SBF2: variants seen among roughly 807,000 people sequenced by gnomAD.
SBF2 encodes myotubularin-related protein 13.
A neutral mutation model predicts 225.2 loss-of-function variants in SBF2; 112 were observed. The observed-to-expected ratio is 0.50, with a 90% CI of 0.43 to 0.58. The LOEUF is 0.58. SBF2 is among the 20% of genes least tolerant of loss of function. SBF2 has a pLI of 0.00. For missense variants in SBF2, 1,996 were observed against 2,206.2 expected (o/e 0.90, Z 1.91); for synonymous variants, 763 against 773.3 (o/e 0.99, Z 0.22).
At chr11:10,212,906 G>A (rs1957987893) in intron 1 of SBF2, among the ~76,000 whole-genome samples, 1 of 152,072 alleles carries the variant, frequency 6.6e-6, no homozygotes, top group Non-Finnish European at 1.5e-5. Flanking sequence ...AAAATTAGCT[G>A]GGCATGGTGG....
At position 9,812,722 on chromosome 11, in the gene SBF2, T is replaced by C; in HGVS notation, c.3979-14A>G. 2 of 1,613,600 alleles carry C rather than the reference T, an allele frequency of 1.2e-6. No individual in the cohort carries two copies. The highest frequency in any genetic ancestry group is 1.7e-6 in the Non-Finnish European group (2 of 1,179,708). On this transcript the variant is annotated splice_polypyrimidine_tract_variant and intron_variant, in intron 29 of 39. Transcript: ENST00000256190. The stretch of plus-strand genomic sequence containing the variant: ...TACCTTGAAGTTCTGCGGATGAAGA[T>C]TCAGAGAATTAGGCAGATGAAGTGC...
intron 31 of SBF2, 130 bp downstream of exon 31, chr11:9,808,771 C>A: frequency 2.9e-6 from 2 of 692,838 alleles, no homozygotes; most frequent in South Asian, 1.7e-5. Context: ...ATACCAGGTG[C>A]TGTTTAACAC....
At chr11:9,823,510 A>G (rs1419045561) in intron 28 of SBF2, among the ~76,000 whole-genome samples, 2 of 152,064 alleles carry the variant, frequency 1.3e-5, no homozygotes, top group Non-Finnish European at 2.9e-5. Context: ...GGGTAAAAAA[A>G]AAAAAAAAGA....
At chr11:9,940,332 G>C (rs556861201) in intron 16 of SBF2, among the ~76,000 whole-genome samples, 9 of 152,248 alleles carry the variant, frequency 5.9e-5, no homozygotes, top group Non-Finnish European at 2.9e-5. Flanking sequence ...GTGAACCTGG[G>C]AGGCGGAGCT....
chr11:10,252,835 CAAAA>C (rs147297840), intron 1 of SBF2, among the ~76,000 whole-genome samples: 13 of 141,086 alleles, frequency 9.2e-5, no homozygotes, highest in Non-Finnish European at 2.0e-4. Flanking sequence ...AAAAAAAAAT[CAAAA>C]AAAAGAAAAT....
At chr11:9,953,161 T>C (rs1865958197) in intron 16 of SBF2, among the ~76,000 whole-genome samples, 1 of 152,196 alleles carries the variant, frequency 6.6e-6, no homozygotes, top group African/African-American at 2.4e-5. Context: ...CTGTGGCATA[T>C]TGGGTTGGGC....
chr11:10,196,789 T>G, intron 1 of SBF2, among the ~76,000 whole-genome samples: 1 of 148,140 alleles, frequency 6.8e-6, no homozygotes, highest in African/African-American at 2.5e-5. Context: ...TGGAGACAAT[T>G]ATTATTAACA....
At position 9,915,979 on chromosome 11, in the gene SBF2, G is replaced by A. The variant is rs551274571; in HGVS notation, c.1861-19968C>T. Among the ~76,000 whole-genome samples the A allele has an allele frequency of 2.0e-4, 30 of 152,224 alleles. No homozygotes were observed. In the South Asian group the frequency reaches 5.0e-3, roughly 25 times the overall value. ...CTCTGGAAGCTGAGACAGGAGAATC[G>A]CTTGAACCTGGGAGGCGGAGGTTGC... On this transcript the variant is annotated intron_variant, in intron 16 of 39. Transcript: ENST00000256190.
chr11:9,942,847 CAAAG>C (rs1313031249), intron 16 of SBF2, among the ~76,000 whole-genome samples: 6 of 86,226 alleles, frequency 7.0e-5, no homozygotes, highest in Admixed American at 1.2e-4. Context: ...TCAAAAAAAA[CAAAG>C]AAAGAAAGGA....
intron 2 of SBF2, among the ~76,000 whole-genome samples, chr11:10,106,248 C>T (rs940799676): frequency 6.6e-6 from 1 of 152,096 alleles, no homozygotes; most frequent in African/African-American, 2.4e-5. Flanking sequence ...TCTCATTATA[C>T]CTTTTTGAAA....
At chr11:10,094,528 A>ATTTTTTTTTTTTTTTT (rs60485793) in intron 2 of SBF2, among the ~76,000 whole-genome samples, 1,366 of 107,094 alleles carry the variant, frequency 0.013, 125 homozygotes, top group East Asian at 0.036. Context: ...ATACACACAG[A>ATTTTTTTTTTTTTTTT]TTTTTTTTTT....
chr11:10,064,092 A>C (rs7110664), intron 2 of SBF2, among the ~76,000 whole-genome samples: 70,196 of 151,896 alleles, frequency 0.46, 16,621 homozygotes, highest in Admixed American at 0.56. Flanking sequence ...TTATTTAAAT[A>C]TCTTTTAAAG....
intron 6 of SBF2, among the ~76,000 whole-genome samples, chr11:10,006,431 G>A (rs1199873802): frequency 2.0e-5 from 3 of 152,076 alleles, no homozygotes; most frequent in South Asian, 2.1e-4. Flanking sequence ...TTCCTGTTAC[G>A]GTCCAGGGCT....
chr11:9,889,398 C>A (rs1860610016), intron 17 of SBF2, among the ~76,000 whole-genome samples: 1 of 152,110 alleles, frequency 6.6e-6, no homozygotes, highest in Non-Finnish European at 1.5e-5. Context: ...ATTTTATTTA[C>A]AGCCAGATAA....
chr11:9,955,979 TGTC>T (rs1866139631), intron 16 of SBF2, among the ~76,000 whole-genome samples: 1 of 152,140 alleles, frequency 6.6e-6, no homozygotes, highest in Non-Finnish European at 1.5e-5. Flanking sequence ...ATAGTTGAAT[TGTC>T]CTTTTTTTTC....
intron 12 of SBF2, among the ~76,000 whole-genome samples, chr11:9,990,746 C>G (rs1371566510): frequency 6.6e-6 from 1 of 152,052 alleles, no homozygotes; most frequent in South Asian, 2.1e-4. Flanking sequence ...TTTGTACAAA[C>G]AATAAATAAA....
chr11:9,840,327 A>AG (rs1856041019), intron 25 of SBF2, among the ~76,000 whole-genome samples: 1 of 152,188 alleles, frequency 6.6e-6, no homozygotes, highest in Non-Finnish European at 1.5e-5. Flanking sequence ...TAGGATGACA[A>AG]GTATTATGTA....
chr11:9,899,056 A>T (rs1007562631), intron 16 of SBF2, among the ~76,000 whole-genome samples: 1 of 80,074 alleles, frequency 1.2e-5, no homozygotes, highest in South Asian at 4.2e-4. Context: ...AATAAAGATT[A>T]AAAAAAAAAC....
intron 32 of SBF2, among the ~76,000 whole-genome samples, chr11:9,797,925 A>G (rs1386139054): frequency 6.6e-6 from 1 of 152,162 alleles, no homozygotes; most frequent in Non-Finnish European, 1.5e-5. Flanking sequence ...TGGAGCCACA[A>G]TTGTGCCACT....
Sources: gnomAD v4.1 joint callset for allele counts (sites outside exome capture counted in the v4.1 genomes callset) on GRCh38, gnomAD v4.1.1 for gene constraint, MANE v1.5 for transcripts, NCBI Gene and HGNC (gene_info 2026-07-23, HGNC 2026-07-21) for gene names.